Variants in SUPT3H observed in about 807,000 individuals in gnomAD.
SUPT3H encodes transcription initiation protein SPT3 homolog.
Under a neutral mutation model 44.3 loss-of-function variants are expected in SUPT3H, and 44 were observed. The ratio of observed to expected loss-of-function variants is 0.99; its 90% CI spans 0.78 to 1.28. The LOEUF is 1.28. Among genes scored for constraint, SUPT3H ranks in the 50% most tolerant of loss-of-function variants. The pLI is 0.00. For missense variants in SUPT3H, 380 were observed against 387.1 expected, an observed-to-expected ratio of 0.98 and a Z score of 0.15; for synonymous variants, 124 against 125.6, an observed-to-expected ratio of 0.99 and a Z score of 0.09.
intron 3 of SUPT3H, among the ~76,000 whole-genome samples, chr6:45,032,030 A>T (rs1029863471): frequency 6.6e-6 from 1 of 152,216 alleles, no homozygotes. Context: ...ATAGCAATGC[A>T]ATTGCTAATT....
At chr6:45,286,054 T>C (rs898775491) in intron 2 of SUPT3H, among the ~76,000 whole-genome samples, 1 of 145,910 alleles carries the variant, frequency 6.9e-6, no homozygotes, top group African/African-American at 2.6e-5. Context: ...TGTAGAAAGC[T>C]GAAACTGGAT....
chr6:45,154,593 CAGTGA>C (rs1476591800), intron 2 of SUPT3H, among the ~76,000 whole-genome samples: 1 of 152,162 alleles, frequency 6.6e-6, no homozygotes, highest in Admixed American at 6.6e-5. Context: ...CTTTTGTTCA[CAGTGA>C]AGTTGTGCTT....
chr6:44,971,288 C>A (rs181310216), intron 6 of SUPT3H, among the ~76,000 whole-genome samples: 306 of 152,272 alleles, frequency 2.0e-3, no homozygotes, highest in African/African-American at 6.6e-3. Context: ...AAGCCACCAT[C>A]ATCAACTCTC....
chr6:44,823,488 T>C (rs552952060), downstream of SUPT3H, among the ~76,000 whole-genome samples: 114 of 152,274 alleles, frequency 7.5e-4, no homozygotes, highest in African/African-American at 2.7e-3. Context: ...CATCTCCACA[T>C]AGGCCACGCA....
intron 10 of SUPT3H, among the ~76,000 whole-genome samples, chr6:44,831,607 A>C (rs146583521): frequency 6.6e-6 from 1 of 152,200 alleles, no homozygotes; most frequent in African/African-American, 2.4e-5. Context: ...GACAATCTTT[A>C]ACATCATGTA....
intron 2 of SUPT3H, among the ~76,000 whole-genome samples, chr6:45,223,942 TAACC>T (rs1766477480): frequency 6.7e-6 from 1 of 149,854 alleles, no homozygotes; most frequent in Non-Finnish European, 1.5e-5. Flanking sequence ...TAGAAATACT[TAACC>T]AACAGTAAAT....
chr6:44,921,000 C>T lies in SUPT3H; in HGVS notation c.912+11653G>A, dbSNP rs141878794. On this transcript the variant is annotated intron_variant, in intron 10 of 10. Transcript: ENST00000371459. ...CCTCAGGCAGATTGTGCCATCCTTT[C>T]GCCGTATCTAAGGGACTGTCCCTCT... is the stretch of plus-strand genomic sequence containing the variant. Among the ~76,000 whole-genome samples, 12 of 152,284 alleles carry T rather than the reference C, an allele frequency of 7.9e-5. No homozygotes were observed. In the East Asian group the frequency reaches 2.1e-3, roughly 27 times the overall value.
Position 44,905,582 on chromosome 6 carries a change from C to G in SUPT3H, c.912+27071G>C, listed in dbSNP as rs535550479. Among the ~76,000 whole-genome samples, 322 of 152,038 alleles carry G rather than the reference C, an allele frequency of 2.1e-3. 1 individual carries two copies. In the Middle Eastern group the frequency reaches 0.034, roughly 16 times the overall value. ...TTTACACTGTTGGTGGGACTGTAAA[C>G]TAGTTCAACCATTGTGGAAGTCAGT... is the stretch of plus-strand genomic sequence containing the variant. On this transcript the variant is annotated intron_variant, in intron 10 of 10. Coordinates refer to ENST00000371459, the MANE Select transcript of SUPT3H (RefSeq NM_003599.4).
chr6:44,963,770 C>A (rs542997573), intron 6 of SUPT3H, among the ~76,000 whole-genome samples: 1 of 152,010 alleles, frequency 6.6e-6, no homozygotes, highest in Non-Finnish European at 1.5e-5. Flanking sequence ...AAGGCTGAGG[C>A]GGGTGGATCA....
At chr6:45,025,884 A>G (rs927545841) in intron 3 of SUPT3H, among the ~76,000 whole-genome samples, 2 of 10,666 alleles carry the variant, frequency 1.9e-4, no homozygotes, top group African/African-American at 4.7e-3. Context: ...CTCCGTCTCA[A>G]AAAAAAAAAA....
intron 8 of SUPT3H, among the ~76,000 whole-genome samples, chr6:44,953,725 T>C (rs1562123486): frequency 2.0e-5 from 3 of 151,472 alleles, no homozygotes; most frequent in African/African-American, 4.9e-5. Context: ...AATTTGCTTA[T>C]TTTATTTTAT....
intron 2 of SUPT3H, among the ~76,000 whole-genome samples, chr6:45,123,485 C>T (rs1410574598): frequency 6.6e-6 from 1 of 151,690 alleles, no homozygotes; most frequent in Non-Finnish European, 1.5e-5. Context: ...GTGATCCTCC[C>T]ACCTAGGCCT....
At chr6:44,981,130 G>A (rs895107480) in intron 6 of SUPT3H, among the ~76,000 whole-genome samples, 1 of 152,186 alleles carries the variant, frequency 6.6e-6, no homozygotes, top group Non-Finnish European at 1.5e-5. Flanking sequence ...TGGAAGCCCA[G>A]CTATAGCTGC....
At chr6:45,167,518 T>C (rs1810086169) in intron 2 of SUPT3H, among the ~76,000 whole-genome samples, 1 of 152,226 alleles carries the variant, frequency 6.6e-6, no homozygotes, top group African/African-American at 2.4e-5. Context: ...TTTCTCAACC[T>C]TTTTCTGTCT....
intron 10 of SUPT3H, among the ~76,000 whole-genome samples, chr6:44,884,756 A>T (rs902539510): frequency 6.6e-6 from 1 of 152,142 alleles, no homozygotes; most frequent in Non-Finnish European, 1.5e-5. Flanking sequence ...AGTGCCAGAC[A>T]GTGGGCGCAG....
At chr6:44,928,882 C>CAAAAAAAAAAA (rs35656937) in intron 10 of SUPT3H, among the ~76,000 whole-genome samples, 2 of 20,636 alleles carry the variant, frequency 9.7e-5, no homozygotes, top group African/African-American at 6.3e-4. Context: ...GACTCCGTCT[C>CAAAAAAAAAAA]AAAAAAAAAA....
chr6:45,350,485 T>A (rs1328350447), intron 2 of SUPT3H, among the ~76,000 whole-genome samples: 2 of 152,132 alleles, frequency 1.3e-5, no homozygotes, highest in African/African-American at 4.8e-5. Flanking sequence ...AAGCAGGGAA[T>A]TGGTTTACAT....
intron 2 of SUPT3H, among the ~76,000 whole-genome samples, chr6:45,290,916 G>A (rs1055101769): frequency 1.3e-5 from 2 of 152,174 alleles, no homozygotes; most frequent in Non-Finnish European, 2.9e-5. Context: ...GGACTAGACT[G>A]CAGCTCTAAC....
intron 10 of SUPT3H, among the ~76,000 whole-genome samples, chr6:44,877,517 G>A (rs1326082678): frequency 6.6e-6 from 1 of 151,446 alleles, no homozygotes; most frequent in Non-Finnish European, 1.5e-5. Context: ...TTATTCAGGT[G>A]TGTCCTTACA....
Sources: gnomAD v4.1 joint callset for allele counts (sites outside exome capture counted in the v4.1 genomes callset) on GRCh38, gnomAD v4.1.1 for gene constraint, MANE v1.5 for transcripts, NCBI Gene and HGNC (gene_info 2026-07-23, HGNC 2026-07-21) for gene names.